Variants in RBFOX1 observed in about 807,000 individuals in gnomAD.
The protein encoded by RBFOX1 is RNA binding protein fox-1 homolog 1.
Under a neutral mutation model 57.7 loss-of-function variants are expected in RBFOX1, and 8 were observed. That is an observed-to-expected ratio of 0.14 (90% CI 0.08 to 0.25). The LOEUF is 0.25. Among genes scored for constraint, RBFOX1 ranks in the 10% least tolerant of loss-of-function variants. RBFOX1 has a pLI of 1.00. For synonymous variants in RBFOX1, 326 were observed against 222.4 expected (o/e 1.47, Z -4.15); for missense variants, 611 against 548.5 (o/e 1.11, Z -1.14).
intron 3 of RBFOX1, among the ~76,000 whole-genome samples, chr16:6,814,462 A>T (rs2089581827): frequency 6.6e-6 from 1 of 152,206 alleles, no homozygotes; most frequent in Admixed American, 6.5e-5. Context: ...AACAAGGTAG[A>T]TGTGGCTTCT....
intron 2 of RBFOX1, among the ~76,000 whole-genome samples, chr16:6,328,797 C>T (rs747185904): frequency 1.2e-4 from 18 of 151,836 alleles, no homozygotes; most frequent in Admixed American, 4.6e-4. Flanking sequence ...AGAATGGGAC[C>T]CAAGGAGTAT....
At chr16:6,912,346 G>C (rs190990198) in intron 3 of RBFOX1, among the ~76,000 whole-genome samples, 5 of 152,200 alleles carry the variant, frequency 3.3e-5, no homozygotes, top group African/African-American at 1.2e-4. Flanking sequence ...TACACTTCTA[G>C]CAAGTTCCCA....
At chr16:6,607,648 T>C (rs2097959526) in intron 2 of RBFOX1, among the ~76,000 whole-genome samples, 4 of 152,000 alleles carry the variant, frequency 2.6e-5, no homozygotes. Context: ...TCCTCTCTCT[T>C]TCTGTCTTCT....
chr16:7,056,623 C>T (rs2052374113), intron 4 of RBFOX1, among the ~76,000 whole-genome samples: 1 of 152,080 alleles, frequency 6.6e-6, no homozygotes, highest in Admixed American at 6.6e-5. Flanking sequence ...GAACTATCTA[C>T]CAGTTGAGGG....
intron 3 of RBFOX1, among the ~76,000 whole-genome samples, chr16:5,682,305 G>A (rs2050366171): frequency 6.6e-6 from 1 of 152,084 alleles, no homozygotes; most frequent in South Asian, 2.1e-4. Context: ...GGGTGGGAGT[G>A]GGTCTGAAGA....
intron 4 of RBFOX1, among the ~76,000 whole-genome samples, chr16:7,240,733 T>C (rs542017520): frequency 1.3e-5 from 2 of 152,016 alleles, no homozygotes; most frequent in African/African-American, 4.8e-5. Flanking sequence ...TTTTGTAGTT[T>C]TGTTTGTTTG....
intron 2 of RBFOX1, among the ~76,000 whole-genome samples, chr16:6,346,501 A>G (rs777657128): frequency 6.4e-5 from 6 of 93,324 alleles, no homozygotes; most frequent in Non-Finnish European, 1.6e-4. Flanking sequence ...CCAACGAGGC[A>G]AGGCTGATCT....
intron 2 of RBFOX1, among the ~76,000 whole-genome samples, chr16:6,499,090 C>T (rs925697887): frequency 6.6e-6 from 1 of 152,222 alleles, no homozygotes; most frequent in Admixed American, 6.5e-5. Flanking sequence ...TATTCAGCTC[C>T]GTGGAGCACT....
intron 4 of RBFOX1, among the ~76,000 whole-genome samples, chr16:7,303,117 A>G (rs529918518): frequency 6.6e-6 from 1 of 152,316 alleles, no homozygotes; most frequent in South Asian, 2.1e-4. Context: ...CGTTAGTCCA[A>G]CAGGCTTGAT....
At chr16:6,987,016 G>A (rs537489630) in intron 3 of RBFOX1, among the ~76,000 whole-genome samples, 46 of 152,138 alleles carry the variant, frequency 3.0e-4, no homozygotes, top group Non-Finnish European at 5.4e-4. Context: ...TCCATTCTGA[G>A]TGGAATGAAA....
At chr16:6,520,965 G>A (rs907697104) in intron 2 of RBFOX1, among the ~76,000 whole-genome samples, 9 of 151,392 alleles carry the variant, frequency 5.9e-5, no homozygotes, top group East Asian at 2.0e-4. Flanking sequence ...TAATTGCTTC[G>A]CCACTAGAGA....
chr16:6,773,641 T>A (rs2078822121), intron 3 of RBFOX1, among the ~76,000 whole-genome samples: 1 of 134,074 alleles, frequency 7.5e-6, no homozygotes, highest in Non-Finnish European at 1.6e-5. Flanking sequence ...TGTGTGTGTA[T>A]GTGTGGGTGT....
At chr16:6,690,856 T>C (rs12445969) in intron 3 of RBFOX1, among the ~76,000 whole-genome samples, 148,551 of 151,376 alleles carry the variant, frequency 0.98, 72,952 homozygotes, top group Middle Eastern at 1. Context: ...TACTGAATTT[T>C]TCCCCCCTTG....
chr16:5,603,403 G>A (rs77882545), downstream of RBFOX1, among the ~76,000 whole-genome samples: 5,671 of 152,256 alleles, frequency 0.037, 249 homozygotes, highest in African/African-American at 0.11. Context: ...TGGGGAAGCA[G>A]TCTGAAATTC....
intron 3 of RBFOX1, among the ~76,000 whole-genome samples, chr16:5,793,753 G>T (rs1011992320): frequency 1.3e-5 from 2 of 152,070 alleles, no homozygotes; most frequent in African/African-American, 2.4e-5. Context: ...TCGTGTGTGT[G>T]TGTGCATGCA....
chr16:5,655,687 T>G (rs1445316517), intron 3 of RBFOX1, among the ~76,000 whole-genome samples: 1 of 152,182 alleles, frequency 6.6e-6, no homozygotes, highest in Non-Finnish European at 1.5e-5. Flanking sequence ...TTGTACCTCT[T>G]TCTCATCTCA....
chr16:6,785,585 C>A (rs1032772795), intron 3 of RBFOX1, among the ~76,000 whole-genome samples: 4 of 152,178 alleles, frequency 2.6e-5, no homozygotes, highest in Non-Finnish European at 5.9e-5. Context: ...GACAAGTTTT[C>A]CATTAAATAA....
intron 4 of RBFOX1, among the ~76,000 whole-genome samples, chr16:7,225,905 A>AATCAATAAATAAATATATATATAT (rs1555600462): frequency 2.1e-5 from 2 of 93,752 alleles, no homozygotes; most frequent in African/African-American, 9.5e-5. Context: ...AAGTATAATA[A>AATCAATAAATAAATATATATATAT]ATATATATAT....
At chr16:7,457,227 A>T (rs1305905637) in intron 4 of RBFOX1, among the ~76,000 whole-genome samples, 4 of 152,016 alleles carry the variant, frequency 2.6e-5, no homozygotes, top group African/African-American at 9.7e-5. Flanking sequence ...GGGTCCATGA[A>T]TGCAAGCAGT....
Sources: gnomAD v4.1 joint callset for allele counts (sites outside exome capture counted in the v4.1 genomes callset) on GRCh38, gnomAD v4.1.1 for gene constraint, MANE v1.5 for transcripts, NCBI Gene and HGNC (gene_info 2026-07-23, HGNC 2026-07-21) for gene names.